The following NREP variants were observed in gnomAD, a reference collection of about 807,000 sequenced individuals.
NREP encodes neuronal regeneration-related protein.
In NREP, 5 loss-of-function variants were observed where a neutral mutation model predicts 8.6. The observed-to-expected ratio is 0.58, with a 90% CI of 0.30 to 1.22. NREP has a LOEUF of 1.22. Among genes scored for constraint, NREP ranks in the 50% most tolerant of loss-of-function variants. The pLI, the probability that NREP is intolerant of heterozygous loss-of-function variation, is 0.07. For synonymous variants in NREP, 27 were observed against 28.0 expected (o/e 0.96, Z 0.11); for missense variants, 86 against 82.5 (o/e 1.04, Z -0.17).
At chr5:111,943,434 T>G (rs1755887698) in intron 2 of NREP, among the ~76,000 whole-genome samples, 1 of 152,056 alleles carries the variant, frequency 6.6e-6, no homozygotes, top group Admixed American at 6.6e-5. Context: ...GAAGAGTCCA[T>G]GTCATCAATT....
chr5:111,756,214 G>C, intron 1 of NREP: 2 of 1,008,016 alleles, frequency 2.0e-6, no homozygotes, highest in Non-Finnish European at 2.4e-6. Flanking sequence ...GACAGAATAG[G>C]AATCAGCCTT....
At chr5:111,925,221 C>A (rs1438821405) in intron 2 of NREP, among the ~76,000 whole-genome samples, 2 of 151,760 alleles carry the variant, frequency 1.3e-5, no homozygotes, top group Non-Finnish European at 2.9e-5. Context: ...GCCCTGGGAC[C>A]CATCAGTTCT....
chr5:111,842,226 T>C (rs1753046543), intron 2 of NREP, among the ~76,000 whole-genome samples: 1 of 152,118 alleles, frequency 6.6e-6, no homozygotes, highest in Admixed American at 6.6e-5. Context: ...AGAGCCTCAA[T>C]TTCAATAATA....
At chr5:111,750,419 T>C (rs145592700) in intron 2 of NREP, among the ~76,000 whole-genome samples, 6 of 152,196 alleles carry the variant, frequency 3.9e-5, no homozygotes, top group African/African-American at 1.4e-4. Context: ...AATGGCGCCC[T>C]GGAACACTGT....
At chr5:111,804,690 A>C (rs566958281) in intron 2 of NREP, among the ~76,000 whole-genome samples, 7 of 151,846 alleles carry the variant, frequency 4.6e-5, no homozygotes, top group African/African-American at 1.7e-4. Flanking sequence ...AGAGTGGAGG[A>C]GAATAAGAGA....
At chr5:111,889,274 G>C (rs1000209469) in intron 2 of NREP, among the ~76,000 whole-genome samples, 2 of 152,204 alleles carry the variant, frequency 1.3e-5, no homozygotes, top group Non-Finnish European at 2.9e-5. Flanking sequence ...AGGAGCAAGA[G>C]AGAGTGGTGG....
At chr5:111,784,834 G>A (rs183315786) in intron 2 of NREP, among the ~76,000 whole-genome samples, 115 of 152,194 alleles carry the variant, frequency 7.6e-4, no homozygotes, top group Non-Finnish European at 1.4e-3. Flanking sequence ...ACTTTTCAAG[G>A]TTCCCAATCA....
Position 111,730,792 on chromosome 5 carries a change from A to G in NREP, c.*129T>C. 2.7e-6 allele frequency: 3 copies of G among 1,095,034 alleles called. No individual in the cohort carries two copies. Among genetic ancestry groups the G allele is most frequent in the Non-Finnish European group, 3.9e-6 (3 of 772,638 alleles). 67.8% of individuals were successfully genotyped at this position (1,095,034 alleles called of 1,614,324 possible). Reference sequence around the variant, plus strand: ...CCTATTTGTCCACTGTAAATTCTCTAAAGCAAGGCTCAGAGTCCCATAGTT... The same window carrying G: ...CCTATTTGTCCACTGTAAATTCTCTGAAGCAAGGCTCAGAGTCCCATAGTT... On this transcript the variant is annotated 3_prime_UTR_variant, in exon 4 of 4. Coordinates refer to ENST00000257435, the MANE Select transcript of NREP (RefSeq NM_004772.4).
chr5:111,785,853 T>C (rs949277311), intron 2 of NREP, among the ~76,000 whole-genome samples: 1 of 152,168 alleles, frequency 6.6e-6, no homozygotes, highest in African/African-American at 2.4e-5. Flanking sequence ...TTTCCTGCCT[T>C]CCTGAGTCCC....
intron 2 of NREP, among the ~76,000 whole-genome samples, chr5:111,799,400 C>G (rs1751949666): frequency 6.6e-6 from 1 of 152,202 alleles, no homozygotes; most frequent in Non-Finnish European, 1.5e-5. Context: ...CACCCATGAG[C>G]ATGGGATGTG....
intron 2 of NREP, among the ~76,000 whole-genome samples, chr5:111,959,594 A>C (rs1481313378): frequency 6.6e-6 from 1 of 152,034 alleles, no homozygotes; most frequent in African/African-American, 2.4e-5. Flanking sequence ...AGAAAATCAA[A>C]TTAAAACAAT....
At chr5:111,903,125 C>T (rs1287314801) in intron 2 of NREP, among the ~76,000 whole-genome samples, 7 of 146,846 alleles carry the variant, frequency 4.8e-5, no homozygotes, top group Admixed American at 1.4e-4. Flanking sequence ...ACTCTGTAAC[C>T]CAGGCTGGTG....
intron 2 of NREP, among the ~76,000 whole-genome samples, chr5:111,752,126 A>G (rs1481613981): frequency 2.0e-5 from 3 of 152,242 alleles, no homozygotes; most frequent in Non-Finnish European, 4.4e-5. Flanking sequence ...TCAGGATTTA[A>G]AACAAAGTAA....
chr5:111,963,236 C>T (rs543635447), intron 2 of NREP, among the ~76,000 whole-genome samples: 1 of 152,348 alleles, frequency 6.6e-6, no homozygotes, highest in South Asian at 2.1e-4. Context: ...AAGCAGCCAG[C>T]CAGATCTCAT....
intron 2 of NREP, among the ~76,000 whole-genome samples, chr5:111,952,524 A>G (rs1028088276): frequency 1.3e-5 from 2 of 152,100 alleles, no homozygotes; most frequent in African/African-American, 4.8e-5. Context: ...TTCCTTGTGG[A>G]TATTTCTACA....
intron 2 of NREP, among the ~76,000 whole-genome samples, chr5:111,953,748 A>T (rs1581247583): frequency 6.6e-6 from 1 of 152,124 alleles, no homozygotes; most frequent in African/African-American, 2.4e-5. Flanking sequence ...AATTTCTTAG[A>T]AAGTGATATT....
rs541084594 is a variant in NREP, at chr5:111,853,702, T to C, written c.136-118195A>G. Among the ~76,000 whole-genome samples, 33 of 151,760 alleles carry C rather than the reference T, an allele frequency of 2.2e-4. 1 individual carries two copies. The highest frequency in any genetic ancestry group is 3.2e-3 in the Middle Eastern group (1 of 316). ...TCTTCTTTTTTTTTTCTTAAAACCA[T>C]GCTGAGATACCTAGGCTTGGGCTGG... On this transcript the variant is annotated intron_variant, in intron 2 of 3. Coordinates refer to the NREP transcript ENST00000395634.
chr5:111,785,720 G>C (rs1375412037), intron 2 of NREP, among the ~76,000 whole-genome samples: 3 of 152,156 alleles, frequency 2.0e-5, no homozygotes, highest in Non-Finnish European at 4.4e-5. Flanking sequence ...ACATGAAGCT[G>C]TATATAGTTA....
chr5:111,853,936 A>G (rs1022571470), intron 2 of NREP, among the ~76,000 whole-genome samples: 5 of 152,084 alleles, frequency 3.3e-5, no homozygotes. Flanking sequence ...TTCTCGTTTC[A>G]TGATGTGTCT....
Sources: allele counts gnomAD v4.1 joint callset (sites outside exome capture counted in the v4.1 genomes callset), GRCh38; gene constraint gnomAD v4.1.1; transcripts MANE v1.5; gene names NCBI Gene and HGNC (gene_info 2026-07-23, HGNC 2026-07-21).